The following IL20RB variants were observed in gnomAD, a reference collection of about 807,000 sequenced individuals.
The protein encoded by IL20RB is interleukin 20 receptor subunit beta.
In IL20RB, 21 loss-of-function variants were observed where a neutral mutation model predicts 33.3. That is an observed-to-expected ratio of 0.63 (90% CI 0.45 to 0.91). The LOEUF (loss-of-function observed/expected upper bound fraction) is 0.91, where lower values mean the gene tolerates loss of function less well. Ranked by LOEUF, IL20RB falls within the 40% of genes least tolerant of loss-of-function variation. The pLI, the probability that IL20RB is intolerant of heterozygous loss-of-function variation, is 0.00. For synonymous variants in IL20RB, 147 were observed against 146.8 expected (o/e 1.00, Z -0.01); for missense variants, 345 against 384.8 (o/e 0.90, Z 0.86).
At chr3:136,971,012 T>C (rs1941467590) in intron 1 of IL20RB, among the ~76,000 whole-genome samples, 1 of 152,200 alleles carries the variant, frequency 6.6e-6, no homozygotes, top group Non-Finnish European at 1.5e-5. Flanking sequence ...CTGTATATAA[T>C]GTATAGTGAT....
At chr3:136,998,368 CAT>C (rs1394592965) in intron 6 of IL20RB, among the ~76,000 whole-genome samples, 6 of 151,206 alleles carry the variant, frequency 4.0e-5, no homozygotes, top group East Asian at 1.9e-4. Context: ...TTTATATAGT[CAT>C]ATATATTTTT....
At chr3:136,999,090 C>CT (rs1048303246) in intron 6 of IL20RB, among the ~76,000 whole-genome samples, 1 of 150,794 alleles carries the variant, frequency 6.6e-6, no homozygotes, top group African/African-American at 2.4e-5. Flanking sequence ...AATTTTCAGC[C>CT]TTTTTTTTTC....
At chr3:136,993,113 G>A (rs889797443) in intron 5 of IL20RB, among the ~76,000 whole-genome samples, 29 of 151,998 alleles carry the variant, frequency 1.9e-4, no homozygotes, top group African/African-American at 6.0e-4. Context: ...CTGTAATCCC[G>A]GCACTTTGGG....
intron 1 of IL20RB, among the ~76,000 whole-genome samples, chr3:136,963,406 A>G (rs576204792): frequency 5.3e-4 from 81 of 152,302 alleles, no homozygotes; most frequent in African/African-American, 1.9e-3. Context: ...ATTCCTACCA[A>G]CAATGTATAA....
intron 1 of IL20RB, 53 bp downstream of exon 1, chr3:136,958,254 G>C: frequency 9.0e-7 from 1 of 1,110,342 alleles, no homozygotes; most frequent in Non-Finnish European, 1.4e-6. Context: ...TATAGGTTAA[G>C]AAGGCAAAAA....
intron 6 of IL20RB, among the ~76,000 whole-genome samples, chr3:137,000,945 C>A (rs1488396717): frequency 6.6e-6 from 1 of 152,150 alleles, no homozygotes; most frequent in Non-Finnish European, 1.5e-5. Context: ...GAATGAAGAT[C>A]TTCCCAAGAC....
intron 6 of IL20RB, among the ~76,000 whole-genome samples, chr3:137,006,264 AG>A (rs541573234): frequency 6.1e-4 from 92 of 151,920 alleles, no homozygotes; most frequent in Non-Finnish European, 1.1e-3. Context: ...CTTCTTGAGG[AG>A]TATCTTTGTG....
intron 3 of IL20RB, among the ~76,000 whole-genome samples, chr3:136,988,478 T>C (rs1941961587): frequency 6.6e-6 from 1 of 152,082 alleles, no homozygotes; most frequent in Non-Finnish European, 1.5e-5. Flanking sequence ...ATTGGCTCAC[T>C]CCTGTAATCC....
At chr3:136,997,237 C>A (rs181451126) in intron 6 of IL20RB, among the ~76,000 whole-genome samples, 1 of 151,934 alleles carries the variant, frequency 6.6e-6, no homozygotes, top group East Asian at 1.9e-4. Context: ...GGATTACAGA[C>A]GCCTGCCACC....
chr3:137,003,707 T>C (rs1484537277), intron 6 of IL20RB, among the ~76,000 whole-genome samples: 1 of 152,254 alleles, frequency 6.6e-6, no homozygotes, highest in Non-Finnish European at 1.5e-5. Flanking sequence ...TCATGTCATC[T>C]GCAAACAGGA....
chr3:137,002,105 T>G (rs1474890196), intron 6 of IL20RB, among the ~76,000 whole-genome samples: 1 of 152,090 alleles, frequency 6.6e-6, no homozygotes, highest in Non-Finnish European at 1.5e-5. Flanking sequence ...GACATGAACT[T>G]GTCCTTTTTT....
At chr3:137,008,151 G>A (rs1382330826) in intron 6 of IL20RB, among the ~76,000 whole-genome samples, 1 of 152,116 alleles carries the variant, frequency 6.6e-6, no homozygotes, top group Non-Finnish European at 1.5e-5. Context: ...AATGTAGGTA[G>A]CAAGCATAAA....
chr3:136,969,749 T>C (rs1941423185), intron 1 of IL20RB, among the ~76,000 whole-genome samples: 1 of 152,194 alleles, frequency 6.6e-6, no homozygotes, highest in Admixed American at 6.5e-5. Context: ...CTCTAGATAC[T>C]AGTTCTTTGT....
intron 5 of IL20RB, among the ~76,000 whole-genome samples, chr3:136,993,325 A>G (rs1168591912): frequency 6.6e-6 from 1 of 152,240 alleles, no homozygotes; most frequent in Non-Finnish European, 1.5e-5. Flanking sequence ...TCACACACAT[A>G]GATGGGATGA....
intron 1 of IL20RB, among the ~76,000 whole-genome samples, chr3:136,972,591 A>T (rs1001446117): frequency 1.3e-5 from 2 of 152,106 alleles, no homozygotes; most frequent in African/African-American, 4.8e-5. Context: ...GTCAGCTTAT[A>T]GTTGTTCATA....
chr3:137,000,367 AT>A (rs546506686), intron 6 of IL20RB, among the ~76,000 whole-genome samples: 2 of 151,968 alleles, frequency 1.3e-5, no homozygotes, highest in African/African-American at 4.8e-5. Flanking sequence ...CCTTTTTGGG[AT>A]TTTTCCTCTT....
chr3:136,986,206 C>G (rs1941893664), intron 3 of IL20RB, among the ~76,000 whole-genome samples: 1 of 149,306 alleles, frequency 6.7e-6, no homozygotes, highest in Non-Finnish European at 1.5e-5. Context: ...GAGCGAGACT[C>G]CATCTCAAAT....
intron 1 of IL20RB, among the ~76,000 whole-genome samples, chr3:136,975,779 G>A (rs1338425213): frequency 6.6e-6 from 1 of 152,212 alleles, no homozygotes; most frequent in Admixed American, 6.5e-5. Flanking sequence ...GGCCCCAATT[G>A]TGGCAGTGGT....
At chr3:137,004,864 G>A (rs1278887667) in intron 6 of IL20RB, among the ~76,000 whole-genome samples, 2 of 152,142 alleles carry the variant, frequency 1.3e-5, no homozygotes, top group African/African-American at 4.8e-5. Context: ...ATGTTAGGGT[G>A]TCAATTTTAG....
Sources: allele counts gnomAD v4.1 joint callset (sites outside exome capture counted in the v4.1 genomes callset), GRCh38; gene constraint gnomAD v4.1.1; transcripts MANE v1.5; gene names NCBI Gene and HGNC (gene_info 2026-07-23, HGNC 2026-07-21).